The following HS3ST2 variants were observed in gnomAD, a reference collection of about 807,000 sequenced individuals.
HS3ST2 encodes heparan sulfate glucosamine 3-O-sulfotransferase 2.
Under a neutral mutation model 26.3 loss-of-function variants are expected in HS3ST2, and 17 were observed. That is an observed-to-expected ratio of 0.65 (90% confidence interval 0.44 to 0.97). The LOEUF is 0.97. Among genes scored for constraint, HS3ST2 ranks in the 50% least tolerant of loss-of-function variants. The probability of loss-of-function intolerance (pLI) is 0.00; values close to 1 mark genes in which losing one functional copy is unlikely to be tolerated. For synonymous variants in HS3ST2, 237 were observed against 219.2 expected (o/e 1.08, Z -0.72); for missense variants, 402 against 501.2 (o/e 0.80, Z 1.89).
intron 1 of HS3ST2, among the ~76,000 whole-genome samples, chr16:22,876,595 G>A (rs1901922221): frequency 1.3e-5 from 2 of 152,144 alleles, no homozygotes; most frequent in Non-Finnish European, 2.9e-5. Context: ...TAAAGAACTA[G>A]ATCTACCATT....
rs1162630175 is a variant in HS3ST2 at position 22,915,034 on chromosome 16, C to T, written c.576C>T (p.Phe192=). 1.2e-6 allele frequency: 2 copies of T among 1,614,136 alleles called. No individual in the cohort carries two copies. Among genetic ancestry groups the T allele is most frequent in the Non-Finnish European group, 8.5e-7 (1 of 1,180,014 alleles). ...CTCAAGAGGCTCCTCGACGCATCTTCAACATGTCCCGAGACACCAAGCTGA... is the reference window on the plus strand; with the variant it reads ...CTCAAGAGGCTCCTCGACGCATCTTTAACATGTCCCGAGACACCAAGCTGA... ...FVTQEAPRRI[F]NMSRDTKLIV... The change falls in exon 2 of 2, where the codon TTC becomes TTT. Residue 192 remains phenylalanine, a synonymous_variant. Transcript: ENST00000261374.
chr16:22,876,971 C>G (rs1009793596), intron 1 of HS3ST2, among the ~76,000 whole-genome samples: 3 of 152,072 alleles, frequency 2.0e-5, no homozygotes, highest in Non-Finnish European at 2.9e-5. Context: ...ACTTTGGGAA[C>G]TTGGGGGGAA....
intron 1 of HS3ST2, among the ~76,000 whole-genome samples, chr16:22,859,706 T>C (rs946009784): frequency 3.3e-5 from 5 of 152,194 alleles, no homozygotes; most frequent in Non-Finnish European, 5.9e-5. Context: ...TCCAGCAATC[T>C]ATAATCTATG....
chr16:22,847,478 T>C (rs1200323409), intron 1 of HS3ST2, among the ~76,000 whole-genome samples: 1 of 152,220 alleles, frequency 6.6e-6, no homozygotes, highest in African/African-American at 2.4e-5. Context: ...TTTGCAAATT[T>C]ATTAAAGCCC....
intron 1 of HS3ST2, among the ~76,000 whole-genome samples, chr16:22,868,491 A>G (rs1356233754): frequency 1.3e-5 from 2 of 150,762 alleles, no homozygotes; most frequent in Non-Finnish European, 2.9e-5. Flanking sequence ...GGGAATGATT[A>G]TACAAGATCT....
chr16:22,890,807 C>G (rs940194212), intron 1 of HS3ST2, among the ~76,000 whole-genome samples: 13 of 152,304 alleles, frequency 8.5e-5, no homozygotes, highest in African/African-American at 2.6e-4. Flanking sequence ...CTTGGGCCTT[C>G]CTAATTGTAA....
chr16:22,886,128 C>T (rs1020490925), intron 1 of HS3ST2, among the ~76,000 whole-genome samples: 4 of 152,188 alleles, frequency 2.6e-5, no homozygotes, highest in African/African-American at 7.2e-5. Flanking sequence ...CAAGCAGCTA[C>T]GGATTCTGTT....
chr16:22,841,174 G>T (rs1901349937), intron 1 of HS3ST2, among the ~76,000 whole-genome samples: 2 of 152,110 alleles, frequency 1.3e-5, no homozygotes, highest in African/African-American at 4.8e-5. Context: ...CGATTCTCCT[G>T]CCTCAGCCTC....
intron 1 of HS3ST2, among the ~76,000 whole-genome samples, chr16:22,826,044 C>T (rs1488829758): frequency 6.6e-6 from 1 of 152,148 alleles, no homozygotes; most frequent in African/African-American, 2.4e-5. Context: ...AATGTTGTTT[C>T]AGATCACTTT....
At chr16:22,889,268 A>T (rs1324050727) in intron 1 of HS3ST2, among the ~76,000 whole-genome samples, 1 of 152,224 alleles carries the variant, frequency 6.6e-6, no homozygotes, top group Non-Finnish European at 1.5e-5. Flanking sequence ...CAAATTTACA[A>T]TCAAAATCGA....
At chr16:22,838,689 C>T (rs567237518) in intron 1 of HS3ST2, among the ~76,000 whole-genome samples, 1 of 152,126 alleles carries the variant, frequency 6.6e-6, no homozygotes, top group East Asian at 1.9e-4. Flanking sequence ...TGTGATGGGG[C>T]GAGGAGGCAA....
intron 1 of HS3ST2, among the ~76,000 whole-genome samples, chr16:22,910,038 A>AAC (rs1491370089): frequency 1.2e-3 from 33 of 26,458 alleles, no homozygotes; most frequent in African/African-American, 6.6e-3. Context: ...ACTCCATCTC[A>AAC]AAAAAAAAAA....
At chr16:22,905,282 G>A (rs189649121) in intron 1 of HS3ST2, among the ~76,000 whole-genome samples, 1 of 152,350 alleles carries the variant, frequency 6.6e-6, no homozygotes, top group East Asian at 1.9e-4. Flanking sequence ...TTGCTTGCAT[G>A]TGCAAGGGAT....
In HS3ST2 at chr16:22,833,304, C is replaced by T. The variant is rs147447356; in HGVS notation, c.485+18209C>T. Reference sequence around the variant, plus strand: ...ACTCAGACACTACCTGTGTGGTTGTCGGTGCACACACTTGGGTGATTGTGC... The same window carrying T: ...ACTCAGACACTACCTGTGTGGTTGTTGGTGCACACACTTGGGTGATTGTGC... On this transcript the variant is annotated intron_variant, in intron 1 of 1. Transcript: ENST00000261374. 2,066 of 455,990 alleles carry T rather than the reference C, an allele frequency of 4.5e-3. 10 individuals carry two copies. Among genetic ancestry groups the T allele is most frequent in the Non-Finnish European group, 6.2e-3 (1,405 of 226,780 alleles). The allele number at this position is 455,990 out of a possible 1,614,324, so 28.2% of individuals were successfully genotyped here.
At chr16:22,892,786 A>G (rs1174020838) in intron 1 of HS3ST2, among the ~76,000 whole-genome samples, 1 of 152,232 alleles carries the variant, frequency 6.6e-6, no homozygotes, top group Non-Finnish European at 1.5e-5. Context: ...CAATATATAT[A>G]TTAATATGGG....
chr16:22,884,668 A>G (rs1010131437), intron 1 of HS3ST2, among the ~76,000 whole-genome samples: 2 of 140,370 alleles, frequency 1.4e-5, no homozygotes, highest in African/African-American at 5.2e-5. Flanking sequence ...AAATATATAT[A>G]TATATATATT....
chr16:22,915,433 C>A lies in HS3ST2; in HGVS notation c.975C>A (p.Cys325Ter). Reference sequence around the variant, plus strand: ...CAGAATCGAGCCTCCTGCCTCGATGCTTGGGCAAATCAAAAGGGAGAACTC... The same window carrying A: ...CAGAATCGAGCCTCCTGCCTCGATGATTGGGCAAATCAAAAGGGAGAACTC... ...KKTESSLLPR[C>*]LGKSKGRTHV... Residue 325 changes from cysteine (C) to a stop codon, truncating the protein, a stop_gained, in exon 2 of 2, where the codon TGC (cysteine) becomes TGA (stop). Coordinates refer to ENST00000261374, the MANE Select transcript of HS3ST2 (RefSeq NM_006043.2). LOFTEE classifies it high-confidence loss of function. 6.2e-7 allele frequency: 1 copy of A among 1,613,668 alleles called. No individual in the cohort carries two copies. Among genetic ancestry groups the A allele is most frequent in the South Asian group, 1.1e-5 (1 of 91,048 alleles).
chr16:22,910,498 C>A (rs964927546), intron 1 of HS3ST2, among the ~76,000 whole-genome samples: 6 of 152,124 alleles, frequency 3.9e-5, no homozygotes, highest in African/African-American at 1.4e-4. Context: ...CTAAGAAAAT[C>A]CAGCCAAAGA....
intron 1 of HS3ST2, among the ~76,000 whole-genome samples, chr16:22,880,634 G>T (rs548957545): frequency 6.6e-6 from 1 of 152,136 alleles, no homozygotes; most frequent in Non-Finnish European, 1.5e-5. Flanking sequence ...GGAGTGTACA[G>T]CACTGCCCTC....
Sources: gnomAD v4.1 joint callset for allele counts (sites outside exome capture counted in the v4.1 genomes callset) on GRCh38, gnomAD v4.1.1 for gene constraint, MANE v1.5 for transcripts, NCBI Gene and HGNC (gene_info 2026-07-23, HGNC 2026-07-21) for gene names.